The following AOPEP variants were observed in gnomAD, a reference collection of about 807,000 sequenced individuals.
The protein encoded by AOPEP is aminopeptidase O (putative), also known as aminopeptidase O.
AOPEP carries 77 observed loss-of-function variants against 98.1 expected under a neutral mutation model. The observed-to-expected ratio is 0.78, with a 90% CI of 0.65 to 0.95. The LOEUF (loss-of-function observed/expected upper bound fraction) is 0.95. Ranked by LOEUF, AOPEP falls within the 40% of genes least tolerant of loss-of-function variation. The probability of loss-of-function intolerance (pLI) is 0.00; values close to 1 mark genes in which losing one functional copy is unlikely to be tolerated. For missense variants in AOPEP, 1,024 were observed against 1,024.7 expected, an observed-to-expected ratio of 1.00 and a Z score of 0.01; for synonymous variants, 346 against 365.3, an observed-to-expected ratio of 0.95 and a Z score of 0.60.
downstream of AOPEP, among the ~76,000 whole-genome samples, chr9:95,088,444 C>G (rs4744441): frequency 0.93 from 141,169 of 152,154 alleles, 65,510 homozygotes; most frequent in Middle Eastern, 0.99. Flanking sequence ...CCCGACCTCA[C>G]GTGATCCACC....
chr9:94,833,083 G>C (rs1457813883), intron 5 of AOPEP, among the ~76,000 whole-genome samples: 1 of 151,686 alleles, frequency 6.6e-6, no homozygotes, highest in African/African-American at 2.4e-5. Flanking sequence ...TTATAGGTGC[G>C]TGCCACCATG....
intron 11 of AOPEP, among the ~76,000 whole-genome samples, chr9:94,986,311 T>G (rs1564485670): frequency 6.6e-6 from 1 of 152,224 alleles, no homozygotes; most frequent in African/African-American, 2.4e-5. Flanking sequence ...TAATTTTACC[T>G]TAATTTCCTC....
intron 5 of AOPEP, among the ~76,000 whole-genome samples, chr9:94,866,721 T>G: frequency 6.6e-6 from 1 of 152,222 alleles, no homozygotes; most frequent in East Asian, 1.9e-4. Flanking sequence ...ACATCAAATA[T>G]AAGTCTTTTT....
intron 11 of AOPEP, 107 bp downstream of exon 11, chr9:94,979,534 TTATC>T: frequency 2.8e-6 from 2 of 714,080 alleles, no homozygotes; most frequent in East Asian, 5.4e-5. Flanking sequence ...AGGAAAGTAA[TTATC>T]TTACTGAGTG....
chr9:95,085,722 A>G (rs1454122432), intron 16 of AOPEP, among the ~76,000 whole-genome samples: 1 of 152,226 alleles, frequency 6.6e-6, no homozygotes, highest in Non-Finnish European at 1.5e-5. Context: ...AAGTCTGTCC[A>G]CAGAAACATG....
At chr9:94,978,480 C>T (rs115557816) in intron 10 of AOPEP, among the ~76,000 whole-genome samples, 2 of 152,122 alleles carry the variant, frequency 1.3e-5, no homozygotes, top group East Asian at 1.9e-4. Flanking sequence ...GTCTAGTAGT[C>T]GAACAAATAG....
chr9:94,917,181 G>C (rs927807614), intron 5 of AOPEP, among the ~76,000 whole-genome samples: 6 of 152,226 alleles, frequency 3.9e-5, no homozygotes, highest in Admixed American at 3.9e-4. Context: ...ACGTTCTCTC[G>C]GGATGTGTTG....
intron 7 of AOPEP, among the ~76,000 whole-genome samples, chr9:94,934,397 A>C (rs76385688): frequency 0.043 from 6,162 of 144,316 alleles, 428 homozygotes; most frequent in African/African-American, 0.15. Context: ...GCTCACTGCA[A>C]CCTCTGACTC....
In AOPEP at chr9:94,760,568, A is replaced by G; in HGVS notation, c.785A>G (p.Asp262Gly). 6.5e-7 allele frequency: 1 copy of G among 1,540,720 alleles called. No individual in the cohort carries two copies. ...GGGCGATCGGTTACATGGACCTCAG[A>G]CCAGAGTGGCAGGTAGGTTATCCAA... ...PEGRSVTWTS[D>G]QSGRPCVYTV... Residue 262 changes from aspartate (D) to glycine (G), a missense_variant, in exon 2 of 17, where the codon GAC (aspartate) becomes GGC (glycine). This residue lies in a region of AOPEP where 440 missense variants were observed against 433.8 expected (regional missense o/e 1.01). Transcript: ENST00000375315.
rs150000808 is a variant in AOPEP, at chr9:95,002,348, A to G, written c.1978-2810A>G. 6.9e-3 allele frequency among the ~76,000 whole-genome samples: 1,052 copies of G among 152,286 alleles called. 18 individuals are homozygous for G. Among genetic ancestry groups the G allele is most frequent in the African/African-American group, 0.024 (994 of 41,552 alleles). ...TCTGGTGGACTGAACAAAAATCAAGAACAAAAGATACGGGATCTCTTTCTT... is the reference window on the plus strand; with the variant it reads ...TCTGGTGGACTGAACAAAAATCAAGGACAAAAGATACGGGATCTCTTTCTT... On this transcript the variant is annotated intron_variant, in intron 11 of 16. Transcript: ENST00000375315.
intron 13 of AOPEP, among the ~76,000 whole-genome samples, chr9:95,010,433 A>C (rs1003265360): frequency 7.9e-5 from 12 of 152,204 alleles, no homozygotes; most frequent in Non-Finnish European, 1.5e-4. Context: ...GAACCTATGG[A>C]GTGCTGAGCT....
chr9:94,734,000 A>C (rs766157936), intron 1 of AOPEP, among the ~76,000 whole-genome samples: 4 of 152,210 alleles, frequency 2.6e-5, no homozygotes, highest in African/African-American at 9.6e-5. Context: ...TGTGCGTTCT[A>C]TATTTATTCC....
chr9:95,028,576 T>C (rs1815857543), intron 13 of AOPEP, among the ~76,000 whole-genome samples: 1 of 152,216 alleles, frequency 6.6e-6, no homozygotes, highest in Non-Finnish European at 1.5e-5. Context: ...TCTGGGAAGA[T>C]TGTATTTTGT....
At chr9:95,092,316 C>T in the AOPEP span, among the ~76,000 whole-genome samples, 1 of 152,148 alleles carries the variant, frequency 6.6e-6, no homozygotes, top group African/African-American at 2.4e-5. Context: ...CCACCCCCGC[C>T]TGGGCCCACC....
intron 5 of AOPEP, chr9:94,810,007 T>C (rs2133946083): frequency 6.4e-6 from 1 of 156,128 alleles, no homozygotes; most frequent in African/African-American, 2.4e-5. Context: ...GGGGACTGTG[T>C]GGACTGGTAT....
chr9:95,114,180 AT>A, the AOPEP span: 1 of 209,050 alleles, frequency 4.8e-6, no homozygotes, highest in African/African-American at 2.3e-5. Flanking sequence ...AAAAGCAAGC[AT>A]TTAACATTCC....
chr9:95,027,353 A>G (rs1474347903), intron 13 of AOPEP, among the ~76,000 whole-genome samples: 1 of 152,226 alleles, frequency 6.6e-6, no homozygotes, highest in Non-Finnish European at 1.5e-5. Flanking sequence ...AGGTTCTACC[A>G]CCAGTCATGC....
chr9:94,802,645 A>C (rs1400397860), intron 5 of AOPEP, among the ~76,000 whole-genome samples: 1 of 152,242 alleles, frequency 6.6e-6, no homozygotes, highest in Non-Finnish European at 1.5e-5. Flanking sequence ...ATTTTGAAAA[A>C]TATGGTGGTG....
intron 5 of AOPEP, among the ~76,000 whole-genome samples, chr9:94,877,787 G>A (rs2047133864): frequency 1.3e-5 from 2 of 152,160 alleles, no homozygotes; most frequent in Admixed American, 6.5e-5. Context: ...TAATTCCCAG[G>A]TCTCAAGTGC....
Sources: gnomAD v4.1 joint callset for allele counts (sites outside exome capture counted in the v4.1 genomes callset) on GRCh38, gnomAD v4.1.1 for gene constraint, gnomAD v4.1.1 regional missense constraint, MANE v1.5 for transcripts, NCBI Gene and HGNC (gene_info 2026-07-23, HGNC 2026-07-21) for gene names.